Variants in VPS9D1 observed in about 807,000 individuals in gnomAD.
VPS9D1 encodes VPS9 domain-containing protein 1.
Under a neutral mutation model 75.8 loss-of-function variants are expected in VPS9D1, and 78 were observed. The ratio of observed to expected loss-of-function variants is 1.03; its 90% CI spans 0.86 to 1.24. The LOEUF (loss-of-function observed/expected upper bound fraction) is 1.24. VPS9D1 is among the 50% of genes most tolerant of loss of function. VPS9D1 has a pLI of 0.00. For synonymous variants in VPS9D1, 481 were observed against 385.6 expected (o/e 1.25, Z -2.90); for missense variants, 1,057 against 847.7 (o/e 1.25, Z -3.07).
Position 89,716,483 on chromosome 16 carries a change from GC to G in VPS9D1, c.409del (p.Ala137GlnfsTer10), listed in dbSNP as rs1009868769. ...PPEIFQKLQGAESQSCKKELT... is the reference protein window; with the variant it reads ...PPEIFQKLQGXESQSCKKELT... ...TTACTTCTTACAGCTTTGTGACTCT[GC>G]CCCCTGAAGCTTCTGGAAGATCTCG... On this transcript the variant is annotated frameshift_variant, in exon 4 of 15. Transcript: ENST00000389386. LOFTEE classifies it high-confidence loss of function. The G allele has an allele frequency of 1.2e-6, 2 of 1,613,850 alleles. No homozygotes were observed. Among genetic ancestry groups the G allele is most frequent in the Non-Finnish European group, 1.7e-6 (2 of 1,179,990 alleles).
At position 89,712,049 on chromosome 16, in the gene VPS9D1, G is replaced by A. The variant is rs1269115405; in HGVS notation, c.657C>T (p.Asn219=). The A allele has an allele frequency of 1.3e-6, 2 of 1,548,830 alleles. No individual in the cohort carries two copies. The highest frequency in any genetic ancestry group is 1.4e-5 in the African/African-American group (1 of 72,992). The change falls in exon 7 of 15, where the codon AAC becomes AAT. Residue 219 remains asparagine (N), a splice_region_variant and synonymous_variant. Transcript: ENST00000389386. The part of the protein sequence containing the change: ...ERRLRLQEAA[N]RRFCSQVALT... ...CCAGGGGCGGGCAGGAGTCCCACCT[G>A]TTGGCGGCCTCCTGGAGCCGCAGCC...
intron 4 of VPS9D1, among the ~76,000 whole-genome samples, chr16:89,713,948 T>C (rs146859621): frequency 5.5e-4 from 84 of 152,204 alleles, no homozygotes; most frequent in African/African-American, 1.7e-3. Context: ...TTGCAAAATT[T>C]TTTTTTTTGA....
chr16:89,711,552 G>C (rs1465424002), intron 8 of VPS9D1, 140 bp from the exon 9 acceptor site: 1 of 819,946 alleles, frequency 1.2e-6, no homozygotes, highest in African/African-American at 1.8e-5. Context: ...CAGGCCCCGC[G>C]ACCCGCCCCC....
At position 89,720,879 on chromosome 16, in the gene VPS9D1, GC is replaced by G; in HGVS notation, c.-19del. On this transcript the variant is annotated 5_prime_UTR_variant, in exon 1 of 15. Coordinates refer to ENST00000389386, the MANE Select transcript of VPS9D1 (RefSeq NM_004913.3). Reference sequence around the variant, plus strand: ...GCGGCCATGGCGCCGAGCGGGGGAGGCGGCGGCGGTAGCCGAGGGGCTGGAC... The same window carrying G: ...GCGGCCATGGCGCCGAGCGGGGGAGGGGCGGCGGTAGCCGAGGGGCTGGAC... 7.4e-7 allele frequency: 1 copy of G among 1,348,164 alleles called. No homozygotes were observed. Among genetic ancestry groups the G allele is most frequent in the South Asian group, 1.8e-5 (1 of 55,596 alleles). The allele number at this position is 1,348,164 out of a possible 1,614,324, so 83.5% of individuals were successfully genotyped here. A position where few individuals can be genotyped will look rare whatever the true frequency, so the allele number is the denominator to read the frequency against.
chr16:89,709,020 A>ACACCGCCCCCCCCCCCCCCCC, intron 12 of VPS9D1, 64 bp from the exon 13 acceptor site: 1 of 1,277,898 alleles, frequency 7.8e-7, no homozygotes, highest in Non-Finnish European at 1.0e-6. Context: ...CACCCCTTAT[A>ACACCGCCCCCCCCCCCCCCCC]CCCCGCCCAC....
At chr16:89,711,667 C>A in intron 8 of VPS9D1, 1 of 687,816 alleles carries the variant, frequency 1.5e-6, no homozygotes, top group African/African-American at 1.8e-5. Flanking sequence ...GGGACCCTCC[C>A]ACGCGACCCC....
At chr16:89,718,607 G>T (rs1000364012) in intron 2 of VPS9D1, among the ~76,000 whole-genome samples, 13 of 152,148 alleles carry the variant, frequency 8.5e-5, no homozygotes, top group Non-Finnish European at 1.9e-4. Context: ...AGGCTAGAAG[G>T]ATACAAGAGA....
chr16:89,715,385 C>T (rs984253684), intron 4 of VPS9D1, among the ~76,000 whole-genome samples: 8 of 151,348 alleles, frequency 5.3e-5, no homozygotes, highest in African/African-American at 1.7e-4. Context: ...CGCCACCACG[C>T]CCAGCTAATT....
Position 89,709,890 on chromosome 16 carries a change from C to A in VPS9D1, c.1275G>T (p.Leu425=). Residue 425 remains leucine, a synonymous_variant, in exon 11 of 15, where the codon CTG becomes CTT. Transcript: ENST00000389386. ...TTAGGCCTTCGAAGGCCAGAAGGGT[C>A]AGCGAGAGCAGCCTGTCTGCTAGGA... is the stretch of plus-strand genomic sequence containing the variant. ...IHNAVDRLLS[L]TLLAFEGLNT... 2 of 1,610,418 alleles carry A rather than the reference C, an allele frequency of 1.2e-6. No individual in the cohort carries two copies. The highest frequency in any genetic ancestry group is 2.2e-5 in the South Asian group (2 of 90,680).
intron 14 of VPS9D1, 42 bp from the exon 15 acceptor site, chr16:89,707,996 A>C: frequency 1.3e-6 from 2 of 1,588,864 alleles, no homozygotes; most frequent in Non-Finnish European, 1.7e-6. Flanking sequence ...CTGAACGAAC[A>C]GAAGGATACC....
At chr16:89,712,800 A>T in intron 4 of VPS9D1, 84 bp from the exon 5 acceptor site, 1 of 1,262,684 alleles carries the variant, frequency 7.9e-7, no homozygotes, top group Non-Finnish European at 1.1e-6. Context: ...ATCCTCCCGG[A>T]TTGCTCTGAG....
At chr16:89,718,191 C>T in intron 2 of VPS9D1, 1 of 399,662 alleles carries the variant, frequency 2.5e-6, no homozygotes, top group Non-Finnish European at 5.1e-6. Flanking sequence ...CAGTTTGCTC[C>T]TGCCCCATCT....
In VPS9D1 at chr16:89,710,460, C is replaced by G. The variant is rs1450792878; in HGVS notation, c.1258+126G>C. On this transcript the variant is annotated intron_variant, in intron 10 of 14. Coordinates refer to ENST00000389386, the MANE Select transcript of VPS9D1 (RefSeq NM_004913.3). The stretch of plus-strand genomic sequence containing the variant: ...AAAATGAGAAGGGCTGAGGCGTGAG[C>G]TGGGTGGATGTAAGTCTGATCAGAG... 26 of 1,049,254 alleles carry G rather than the reference C, an allele frequency of 2.5e-5. 1 individual carries two copies. In the South Asian group the frequency reaches 4.0e-4, roughly 16 times the overall value. The allele number at this position is 1,049,254 out of a possible 1,614,324, so 65.0% of individuals were successfully genotyped here.
intron 9 of VPS9D1, 90 bp from the exon 10 acceptor site, chr16:89,711,100 G>T: frequency 1.5e-6 from 2 of 1,323,276 alleles, no homozygotes; most frequent in South Asian, 1.5e-5. Flanking sequence ...TCAGAGAAGC[G>T]ACTTGCATTA....
At chr16:89,715,225 ATT>A (rs56372825) in intron 4 of VPS9D1, among the ~76,000 whole-genome samples, 416 of 113,664 alleles carry the variant, frequency 3.7e-3, no homozygotes, top group African/African-American at 5.3e-3. Context: ...TCCCAGCTAA[ATT>A]TTTTTTTTTT....
intron 4 of VPS9D1, 44 bp from the exon 5 acceptor site, chr16:89,712,760 T>G: frequency 1.4e-6 from 2 of 1,478,962 alleles, no homozygotes; most frequent in Non-Finnish European, 1.8e-6. Context: ...GGAAGCCCAG[T>G]GGTGTCTGGA....
Position 89,712,924 on chromosome 16 carries a change from C to T in VPS9D1, c.432-208G>A, listed in dbSNP as rs2060971837. 4 of 478,820 alleles carry T rather than the reference C, an allele frequency of 8.4e-6. No homozygotes were observed. The South Asian group carries it at 9.6e-5, about 11-fold the overall frequency. 29.7% of individuals were successfully genotyped at this position (478,820 alleles called of 1,614,324 possible). A position where few individuals can be genotyped will look rare whatever the true frequency, so the allele number is the denominator to read the frequency against. ...TTTGGCCAGGTGCAGTGGCTCCCGC[C>T]TCTAATGCCAGCACTTTAGGAGGCT... is the stretch of plus-strand genomic sequence containing the variant. On this transcript the variant is annotated intron_variant, in intron 4 of 14. Transcript: ENST00000389386.
Position 89,710,587 on chromosome 16 carries a change from T to C in VPS9D1, c.1257A>G (p.Val419=). ...CTCCCAGGGAGGGCCTGGCCTCACC[T>C]ACGGCATTGTGGATCTCCTCCACCG... ...KTAVEEIHNA[V]DRLLSLTLLA... is the part of the protein sequence containing the mutation. Residue 419 remains valine, a splice_region_variant and synonymous_variant, in exon 10 of 15, where the codon GTA becomes GTG. Coordinates refer to ENST00000389386, the MANE Select transcript of VPS9D1 (RefSeq NM_004913.3). 1 of 1,594,716 alleles carries C rather than the reference T, an allele frequency of 6.3e-7. No homozygotes were observed.
At chr16:89,709,017 T>C in intron 12 of VPS9D1, 61 bp from the exon 13 acceptor site, 1 of 1,338,158 alleles carries the variant, frequency 7.5e-7, no homozygotes, top group South Asian at 1.3e-5. Flanking sequence ...AGCCACCCCT[T>C]ATACCCCGCC....
Sources: gnomAD v4.1 joint callset for allele counts (sites outside exome capture counted in the v4.1 genomes callset) on GRCh38, gnomAD v4.1.1 for gene constraint, MANE v1.5 for transcripts, NCBI Gene and HGNC (gene_info 2026-07-23, HGNC 2026-07-21) for gene names.